Variants in CNOT4 observed in about 807,000 individuals in gnomAD.
CNOT4 encodes the protein CCR4-associated factor 4.
CNOT4 carries 8 observed loss-of-function variants against 73.8 expected under a neutral mutation model. The observed-to-expected ratio is 0.11, with a 90% confidence interval of 0.06 to 0.20. The LOEUF (loss-of-function observed/expected upper bound fraction) is 0.20, where lower values mean the gene tolerates loss of function less well. Ranked by LOEUF, CNOT4 falls within the 10% of genes least tolerant of loss-of-function variation. CNOT4 has a pLI of 1.00. For synonymous variants in CNOT4, 293 were observed against 321.1 expected (o/e 0.91, Z 0.94); for missense variants, 564 against 883.4 (o/e 0.64, Z 4.58).
Position 135,416,174 on chromosome 7 carries a change from A to T in CNOT4, c.373-912T>A, listed in dbSNP as rs115244998. ...CTCTCTGCAAATGAAAGCTTTCTGC[A>T]TGTAACTATTCAAGTGTGTGTAAAG... On this transcript the variant is annotated intron_variant, in intron 3 of 11. Transcript: ENST00000541284. Among the ~76,000 whole-genome samples, 1,184 of 152,266 alleles carry T rather than the reference A, an allele frequency of 7.8e-3. 17 individuals are homozygous for T. Among genetic ancestry groups the T allele is most frequent in the African/African-American group, 0.027 (1,129 of 41,568 alleles).
At chr7:135,396,556 T>C (rs1036279812) in intron 8 of CNOT4, among the ~76,000 whole-genome samples, 18 of 152,198 alleles carry the variant, frequency 1.2e-4, no homozygotes, top group Non-Finnish European at 2.4e-4. Flanking sequence ...AATACATGGA[T>C]TGGTGATAAG....
chr7:135,421,566 T>A lies in CNOT4; in HGVS notation c.372+590A>T, dbSNP rs139999137. Among the ~76,000 whole-genome samples the A allele has an allele frequency of 3.3e-3, 498 of 152,256 alleles. 4 individuals carry two copies. The highest frequency in any genetic ancestry group is 0.012 in the African/African-American group (481 of 41,552). ...GTGGAAGAAGAGAAAAAAGAGGTAC[T>A]AAGAAACAAGGTTAAGCTCTCTCCT... On this transcript the variant is annotated intron_variant, in intron 3 of 11. Coordinates refer to ENST00000541284, the MANE Select transcript of CNOT4 (RefSeq NM_001190850.2).
intron 1 of CNOT4, among the ~76,000 whole-genome samples, chr7:135,467,430 G>C (rs1801289626): frequency 6.6e-6 from 1 of 152,116 alleles, no homozygotes; most frequent in African/African-American, 2.4e-5. Context: ...AATTTCTGGG[G>C]CCTGGCACAG....
intron 3 of CNOT4, among the ~76,000 whole-genome samples, chr7:135,419,874 C>G (rs1798080666): frequency 6.6e-6 from 1 of 150,706 alleles, no homozygotes; most frequent in South Asian, 2.1e-4. Context: ...GAAACCCCAT[C>G]TCCACTAAAA....
chr7:135,415,631 C>T (rs6951086), intron 3 of CNOT4, among the ~76,000 whole-genome samples: 5,325 of 152,028 alleles, frequency 0.035, 320 homozygotes, highest in African/African-American at 0.12. Context: ...TACACGAAAG[C>T]AATTCTTCAA....
At chr7:135,499,319 AGCCAAAAAAACAAT>A (rs575938099) in intron 1 of CNOT4, among the ~76,000 whole-genome samples, 78 of 152,212 alleles carry the variant, frequency 5.1e-4, no homozygotes, top group Admixed American at 1.9e-3. Context: ...AGATAAAGGC[AGCCAAAAAAACAAT>A]GCCATCAATG....
At chr7:135,466,335 G>A (rs1801216827) in intron 1 of CNOT4, among the ~76,000 whole-genome samples, 2 of 151,468 alleles carry the variant, frequency 1.3e-5, no homozygotes, top group East Asian at 2.0e-4. Flanking sequence ...TTAGCCAGGC[G>A]TGGTGGCATG....
chr7:135,386,239 T>C (rs900198597), intron 10 of CNOT4: 2 of 149,718 alleles, frequency 1.3e-5, no homozygotes, highest in African/African-American at 4.9e-5. Flanking sequence ...TAGAAAAAAA[T>C]GGACATATGT....
chr7:135,417,099 T>C (rs1797915420), intron 3 of CNOT4, among the ~76,000 whole-genome samples: 1 of 152,230 alleles, frequency 6.6e-6, no homozygotes, highest in Non-Finnish European at 1.5e-5. Flanking sequence ...GCATTTGTAG[T>C]TGTCACAGTC....
chr7:135,417,193 A>G (rs1432840597), intron 3 of CNOT4, among the ~76,000 whole-genome samples: 1 of 152,122 alleles, frequency 6.6e-6, no homozygotes, highest in African/African-American at 2.4e-5. Context: ...TATGTAAAGA[A>G]ATTCTTCAAT....
At chr7:135,370,604 G>T (rs1444434063) in intron 10 of CNOT4, among the ~76,000 whole-genome samples, 2 of 152,162 alleles carry the variant, frequency 1.3e-5, no homozygotes, top group Non-Finnish European at 2.9e-5. Context: ...AAGCCTGATG[G>T]GGACATCCTG....
At chr7:135,465,725 GTTTAACAAAAAAAAAAAATTTTTTTT>G (rs939505019) in intron 1 of CNOT4, among the ~76,000 whole-genome samples, 1 of 148,618 alleles carries the variant, frequency 6.7e-6, no homozygotes, top group Admixed American at 6.8e-5. Context: ...ATGTGTGTGT[GTTTAACAAAAAAAAAAAATTTTTTTT>G]TTTAATTAAA....
intron 1 of CNOT4, among the ~76,000 whole-genome samples, chr7:135,471,054 A>G (rs1423325314): frequency 6.6e-6 from 1 of 152,242 alleles, no homozygotes; most frequent in Admixed American, 6.5e-5. Flanking sequence ...CTTACAGTTA[A>G]GCCTACTATA....
chr7:135,482,386 T>C (rs1297661295), intron 1 of CNOT4, among the ~76,000 whole-genome samples: 5 of 151,232 alleles, frequency 3.3e-5, no homozygotes, highest in African/African-American at 9.7e-5. Context: ...AGAGACCCTG[T>C]AAACAAAAAA....
At chr7:135,396,999 G>A (rs1796731246) in intron 8 of CNOT4, among the ~76,000 whole-genome samples, 1 of 151,942 alleles carries the variant, frequency 6.6e-6, no homozygotes, top group Admixed American at 6.6e-5. Context: ...CTACATTTAT[G>A]TATAGTGTCA....
Position 135,394,428 on chromosome 7 carries a change from A to G in CNOT4, c.1130-13T>C. On this transcript the variant is annotated splice_polypyrimidine_tract_variant and intron_variant, in intron 9 of 11. Transcript: ENST00000541284. Reference sequence around the variant, plus strand: ...ACTGGGATTGTTTCTGTTGGGAAGAAAAATAGTGATGAATATCAGATACAT... The same window carrying G: ...ACTGGGATTGTTTCTGTTGGGAAGAGAAATAGTGATGAATATCAGATACAT... 1.3e-6 allele frequency: 2 copies of G among 1,582,080 alleles called. No homozygotes were observed. Among genetic ancestry groups the G allele is most frequent in the East Asian group, 2.2e-5 (1 of 44,628 alleles).
Position 135,422,124 on chromosome 7 carries a change from A to T in CNOT4, c.372+32T>A, listed in dbSNP as rs376186966. 1,102 of 1,344,308 alleles carry T rather than the reference A, an allele frequency of 8.2e-4. 3 individuals are homozygous for T. Among genetic ancestry groups the T allele is most frequent in the Non-Finnish European group, 1.1e-3 (1,038 of 939,820 alleles). 83.3% of individuals were successfully genotyped at this position (1,344,308 alleles called of 1,614,324 possible). A position where few individuals can be genotyped will look rare whatever the true frequency, so the allele number is the denominator to read the frequency against. On this transcript the variant is annotated intron_variant, in intron 3 of 11. Coordinates refer to ENST00000541284, the MANE Select transcript of CNOT4 (RefSeq NM_001190850.2). The stretch of plus-strand genomic sequence containing the variant: ...CAAGTAAGACAAGGAAACAAAAAAT[A>T]TCAAGATGACAAAGAAAACAAGAGG...
intron 10 of CNOT4, among the ~76,000 whole-genome samples, chr7:135,385,380 CTT>C (rs907905603): frequency 7.9e-5 from 12 of 152,224 alleles, no homozygotes; most frequent in African/African-American, 2.9e-4. Flanking sequence ...GTTCCTTTCT[CTT>C]GTCTTTCTGA....
In CNOT4 at chr7:135,438,155, T is replaced by C. The variant is rs760284824; in HGVS notation, c.174+3A>G. On this transcript the variant is annotated splice_donor_region_variant and intron_variant, in intron 2 of 11. Coordinates refer to ENST00000541284, the MANE Select transcript of CNOT4 (RefSeq NM_001190850.2). ...CACTGTGAAGTTATTTTGAAGTATT[T>C]ACCTTTCTACATGCAGGACAAAGCC... 2 of 1,529,502 alleles carry C rather than the reference T, an allele frequency of 1.3e-6. No homozygotes were observed. The allele number at this position is 1,529,502 out of a possible 1,614,324, so 94.7% of individuals were successfully genotyped here.
Sources: gnomAD v4.1 joint callset for allele counts (sites outside exome capture counted in the v4.1 genomes callset) on GRCh38, gnomAD v4.1.1 for gene constraint, MANE v1.5 for transcripts, NCBI Gene and HGNC (gene_info 2026-07-23, HGNC 2026-07-21) for gene names.